CTDSP1: variants seen among roughly 807,000 people sequenced by gnomAD.
The protein encoded by CTDSP1 is carboxy-terminal domain RNA polymerase II polypeptide A small phosphatase 1.
In CTDSP1, 15 loss-of-function variants were observed where a neutral mutation model predicts 32.5. That is an observed-to-expected ratio of 0.46 (90% CI 0.31 to 0.71). CTDSP1 has a LOEUF of 0.71. Ranked by LOEUF, CTDSP1 falls within the 30% of genes least tolerant of loss-of-function variation. The pLI is 0.05. For synonymous variants in CTDSP1, 185 were observed against 145.4 expected (o/e 1.27, Z -1.96); for missense variants, 294 against 351.1 (o/e 0.84, Z 1.30).
upstream of CTDSP1, chr2:218,398,337 A>C (rs1696927864): frequency 1.1e-5 from 15 of 1,366,086 alleles, no homozygotes; most frequent in Non-Finnish European, 1.5e-5. Context: ...TAAGGGGTAA[A>C]TGAGATTAGG....
At chr2:218,402,996 C>T (rs755057198) in intron 4 of CTDSP1, 39 bp from the exon 5 acceptor site, 17 of 1,506,624 alleles carry the variant, frequency 1.1e-5, no homozygotes, top group Non-Finnish European at 1.5e-5. Flanking sequence ...CCCACACTGC[C>T]CCACTGGCCC....
At chr2:218,398,045 T>G (rs1696910438), upstream of CTDSP1, among the ~76,000 whole-genome samples, 1 of 152,088 alleles carries the variant, frequency 6.6e-6, no homozygotes, top group African/African-American at 2.4e-5. Context: ...ACCAGCCCCC[T>G]TCACAGAGGG....
intron 1 of CTDSP1, chr2:218,400,703 C>G: frequency 2.2e-6 from 1 of 455,774 alleles, no homozygotes. Flanking sequence ...CTCGGAGGCA[C>G]AGAGAGGACG....
chr2:218,403,386 C>T lies in CTDSP1; in HGVS notation c.626C>T (p.Pro209Leu), dbSNP rs1247242514. ...CGGGTGCTCATCCTGGACAATTCAC[C>T]TGCCTCCTATGTCTTCCATCCAGAC... ...LRRVLILDNS[P>L]ASYVFHPDNA... Residue 209 changes from proline to leucine, a missense_variant, in exon 6 of 7, where the codon CCT (proline) becomes CTT (leucine). Pro to Leu is a moderately conservative substitution (Grantham distance 98). Coordinates refer to ENST00000273062, the MANE Select transcript of CTDSP1 (RefSeq NM_021198.3). 1 of 1,609,780 alleles carries T rather than the reference C, an allele frequency of 6.2e-7. No homozygotes were observed. The highest frequency in any genetic ancestry group is 1.3e-5 in the African/African-American group (1 of 74,918).
chr2:218,400,590 G>A (rs1006784169), intron 1 of CTDSP1: 96 of 383,392 alleles, frequency 2.5e-4, no homozygotes, highest in South Asian at 5.6e-4. Flanking sequence ...CTTGGGAGGG[G>A]GCGCCGAGGT....
Position 218,399,934 on chromosome 2 carries a change from C to T in CTDSP1, c.-157C>T. 3 of 1,133,314 alleles carry T rather than the reference C, an allele frequency of 2.6e-6. No individual in the cohort carries two copies. Among genetic ancestry groups the T allele is most frequent in the Non-Finnish European group, 3.3e-6 (3 of 918,862 alleles). The allele number at this position is 1,133,314 out of a possible 1,614,324, so 70.2% of individuals were successfully genotyped here. A position where few individuals can be genotyped will look rare whatever the true frequency, so the allele number is the denominator to read the frequency against. On this transcript the variant is annotated 5_prime_UTR_variant, in exon 1 of 7. Coordinates refer to ENST00000273062, the MANE Select transcript of CTDSP1 (RefSeq NM_021198.3). ...TTTCCTCCGCGCCCCCTCCCTCCCCCTCCCCCCTAGAACCTGGCTCCCCTC... is the reference window on the plus strand; with the variant it reads ...TTTCCTCCGCGCCCCCTCCCTCCCCTTCCCCCCTAGAACCTGGCTCCCCTC...
Position 218,399,980 on chromosome 2 carries a change from TCCCTCCC to T in CTDSP1, c.-110_-104del. 2 of 946,486 alleles carry T rather than the reference TCCCTCCC, an allele frequency of 2.1e-6. No homozygotes were observed. Among genetic ancestry groups the T allele is most frequent in the Non-Finnish European group, 2.6e-6 (2 of 770,546 alleles). The allele number at this position is 946,486 out of a possible 1,614,324, so 58.6% of individuals were successfully genotyped here. ...CCCTCCCCTCCGGAGCTCGCGGGGA[TCCCTCCC>T]TCCCACCCCTCCCCTCCCCCCCGCG... On this transcript the variant is annotated 5_prime_UTR_variant, in exon 1 of 7. Transcript: ENST00000273062.
chr2:218,398,143 A>C (rs1696916414), upstream of CTDSP1: 1 of 510,722 alleles, frequency 2.0e-6, no homozygotes, highest in Non-Finnish European at 3.5e-6. Context: ...TGGGGTCATG[A>C]GGGCCCCGCA....
upstream of CTDSP1, chr2:218,398,297 C>T (rs1444604817): frequency 5.4e-6 from 5 of 933,208 alleles, no homozygotes; most frequent in Middle Eastern, 2.1e-4. Context: ...GTTTCCTCAT[C>T]TGTGAAATGG....
intron 6 of CTDSP1, 112 bp downstream of exon 6, chr2:218,403,529 C>T (rs893407556): frequency 3.9e-5 from 36 of 935,044 alleles, no homozygotes; most frequent in Non-Finnish European, 5.0e-5. Context: ...GGTGCCCTCC[C>T]AGTCCTTCCT....
chr2:218,400,776 C>A (rs1481805465), intron 1 of CTDSP1: 1 of 454,390 alleles, frequency 2.2e-6, no homozygotes, highest in Non-Finnish European at 4.4e-6. Flanking sequence ...TGGGCACGCA[C>A]CACCCCGCAA....
chr2:218,403,799 G>A (rs1697278597), intron 6 of CTDSP1: 1 of 195,284 alleles, frequency 5.1e-6, no homozygotes, highest in Non-Finnish European at 1.0e-5. Context: ...AGTGGCTCAT[G>A]CCTGTAATCC....
upstream of CTDSP1, chr2:218,399,809 C>A: frequency 4.4e-6 from 5 of 1,144,486 alleles, no homozygotes; most frequent in Non-Finnish European, 5.4e-6. Flanking sequence ...GTCCAGGTCA[C>A]GCCGAAGCCG....
upstream of CTDSP1, among the ~76,000 whole-genome samples, chr2:218,398,035 A>G (rs1210127749): frequency 6.6e-6 from 1 of 152,094 alleles, no homozygotes; most frequent in Non-Finnish European, 1.5e-5. Context: ...CCGGCCAGGT[A>G]CCAGCCCCCT....
upstream of CTDSP1, among the ~76,000 whole-genome samples, chr2:218,398,079 C>G (rs1268968489): frequency 1.3e-5 from 2 of 152,182 alleles, no homozygotes; most frequent in African/African-American, 4.8e-5. Context: ...CCACCCAACC[C>G]AGGCCAAGGG....
chr2:218,402,618 C>A (rs753166998), intron 4 of CTDSP1: 2 of 758,820 alleles, frequency 2.6e-6, no homozygotes, highest in South Asian at 2.8e-5. Flanking sequence ...TAGGCTCCCC[C>A]GTGCTGTGCT....
At chr2:218,404,178 C>G in intron 6 of CTDSP1, 119 bp from the exon 7 acceptor site, 1 of 1,274,520 alleles carries the variant, frequency 7.8e-7, no homozygotes, top group South Asian at 1.5e-5. Context: ...AGTTTGAACA[C>G]TGTGGGTGAG....
chr2:218,397,784 C>T (rs1696894763), upstream of CTDSP1, among the ~76,000 whole-genome samples: 2 of 152,180 alleles, frequency 1.3e-5, no homozygotes, highest in African/African-American at 4.8e-5. Flanking sequence ...TGGCCTCTCG[C>T]TCACTCCGTA....
intron 3 of CTDSP1, 21 bp from the exon 4 acceptor site, chr2:218,402,328 G>T: frequency 6.2e-7 from 1 of 1,613,926 alleles, no homozygotes; most frequent in Non-Finnish European, 8.5e-7. Flanking sequence ...TCCAACTCCA[G>T]CAGCTCTTTT....
Sources: allele counts gnomAD v4.1 joint callset (sites outside exome capture counted in the v4.1 genomes callset), GRCh38; gene constraint gnomAD v4.1.1; transcripts MANE v1.5; gene names NCBI Gene and HGNC (gene_info 2026-07-23, HGNC 2026-07-21).